UQCRC2: variants seen among roughly 807,000 people sequenced by gnomAD.
UQCRC2 encodes ubiquinol-cytochrome c reductase core protein 2.
In UQCRC2, 49 loss-of-function variants were observed where a neutral mutation model predicts 55.6. The ratio of observed to expected loss-of-function variants is 0.88; its 90% CI spans 0.70 to 1.12. The LOEUF (loss-of-function observed/expected upper bound fraction) is 1.12. UQCRC2 is among the 50% of genes most tolerant of loss of function. UQCRC2 has a pLI of 0.00. For missense variants in UQCRC2, 506 were observed against 547.8 expected, an observed-to-expected ratio of 0.92 and a Z score of 0.76; for synonymous variants, 193 against 192.0, an observed-to-expected ratio of 1.01 and a Z score of -0.04.
chr16:21,957,236 G>A lies in UQCRC2; in HGVS notation c.35G>A (p.Arg12Lys). The A allele has an allele frequency of 1.2e-6, 2 of 1,613,476 alleles. No individual in the cohort carries two copies. The highest frequency in any genetic ancestry group is 8.5e-7 in the Non-Finnish European group (1 of 1,179,752). The stretch of plus-strand genomic sequence containing the variant: ...GTAACCTGTGTTTTTTATGTTTAGA[G>A]ATTTTATTCCCTCAAAGTTGCCCCC... ...KLLTRAGSFSRFYSLKVAPKV... is the reference protein window; with the variant it reads ...KLLTRAGSFSKFYSLKVAPKV... The change falls in exon 2 of 14, where the codon AGA becomes AAA. Residue 12 changes from arginine to lysine, a missense_variant and splice_region_variant. Physicochemically the swap from Arg to Lys is conservative, Grantham distance 26. Coordinates refer to ENST00000268379, the MANE Select transcript of UQCRC2 (RefSeq NM_003366.4).
Position 21,983,093 on chromosome 16 carries a change from A to C in UQCRC2, c.1284A>C (p.Ala428=), listed in dbSNP as rs776514170. Residue 428 remains alanine, a synonymous_variant, in exon 14 of 14, where the codon GCA becomes GCC. Transcript: ENST00000268379. ...TTTTGTTTGTTTCTTTAAAGGCGGC[A>C]AAGAAGTTTGTTTCTGGCCAGAAGT... is the stretch of plus-strand genomic sequence containing the variant. ...SVANADIINA[A]KKFVSGQKSM... 2.5e-6 allele frequency: 4 copies of C among 1,613,338 alleles called. No homozygotes were observed. Among genetic ancestry groups the C allele is most frequent in the African/African-American group, 2.7e-5 (2 of 74,860 alleles).
intron 1 of UQCRC2, among the ~76,000 whole-genome samples, chr16:21,957,034 A>G (rs1333931223): frequency 6.6e-6 from 1 of 150,846 alleles, no homozygotes; most frequent in Non-Finnish European, 1.5e-5. Context: ...GCGCCACTGC[A>G]CTCCAGCCTG....
At chr16:21,961,646 ATATATAT>A (rs2141930866) in intron 4 of UQCRC2, among the ~76,000 whole-genome samples, 1 of 98,772 alleles carries the variant, frequency 1.0e-5, no homozygotes, top group East Asian at 2.4e-4. Flanking sequence ...ATATATATAT[ATATATAT>A]ATATATATAT....
chr16:21,954,620 T>TTA (rs1260605630), intron 1 of UQCRC2, among the ~76,000 whole-genome samples: 1 of 152,190 alleles, frequency 6.6e-6, no homozygotes, highest in Non-Finnish European at 1.5e-5. Context: ...AAGCAATTAT[T>TTA]TATGTGTCTA....
At chr16:21,975,500 C>T (rs999616144) in intron 11 of UQCRC2, among the ~76,000 whole-genome samples, 7 of 152,238 alleles carry the variant, frequency 4.6e-5, no homozygotes, top group Admixed American at 2.0e-4. Context: ...GTAGCAGACC[C>T]AGCCAGCACT....
At chr16:21,978,364 G>A (rs1898634419) in intron 12 of UQCRC2, among the ~76,000 whole-genome samples, 2 of 152,160 alleles carry the variant, frequency 1.3e-5, no homozygotes, top group African/African-American at 4.8e-5. Context: ...AAACGTTTGA[G>A]GTTCAAATAA....
chr16:21,973,080 A>G (rs1363184917), intron 10 of UQCRC2, among the ~76,000 whole-genome samples: 1 of 152,234 alleles, frequency 6.6e-6, no homozygotes, highest in Non-Finnish European at 1.5e-5. Context: ...AGCCTGGGTG[A>G]CAGAGCAAGA....
In UQCRC2 at chr16:21,965,519, A is replaced by G. The variant is rs1898305569; in HGVS notation, c.612+14A>G. The stretch of plus-strand genomic sequence containing the variant: ...ACATCAGAGGAGGTACCAATAAAAC[A>G]TATTTTGAAATGTGCTTGTTTTTCA... On this transcript the variant is annotated intron_variant, in intron 7 of 13. Coordinates refer to ENST00000268379, the MANE Select transcript of UQCRC2 (RefSeq NM_003366.4). 1 of 1,533,998 alleles carries G rather than the reference A, an allele frequency of 6.5e-7. No individual in the cohort carries two copies. Among genetic ancestry groups the G allele is most frequent in the Non-Finnish European group, 8.8e-7 (1 of 1,139,076 alleles).
chr16:21,958,204 T>A (rs1456868681), intron 3 of UQCRC2, among the ~76,000 whole-genome samples: 5 of 152,114 alleles, frequency 3.3e-5, no homozygotes, highest in African/African-American at 1.2e-4. Context: ...TGTTAGAGCA[T>A]AAGAAATCAG....
At chr16:21,956,520 G>A (rs955579827) in intron 1 of UQCRC2, among the ~76,000 whole-genome samples, 3 of 151,940 alleles carry the variant, frequency 2.0e-5, no homozygotes, top group African/African-American at 7.3e-5. Context: ...CTCCAGCGTG[G>A]GACACAGAGC....
chr16:21,971,725 C>T lies in UQCRC2; in HGVS notation c.766+105C>T, dbSNP rs904941094. ...CTGAATATTTACTACTGAACAGTCT[C>T]GGCATAGAATTGGATGGCTTGGGTG... On this transcript the variant is annotated intron_variant, in intron 9 of 13. Transcript: ENST00000268379. 92 of 1,360,486 alleles carry T rather than the reference C, an allele frequency of 6.8e-5. 1 individual carries two copies. The highest frequency in any genetic ancestry group is 8.6e-5 in the Non-Finnish European group (83 of 967,350). The allele number at this position is 1,360,486 out of a possible 1,614,324, so 84.3% of individuals were successfully genotyped here.
rs1053898200 is a variant in UQCRC2 at position 21,958,663 on chromosome 16, T to C, written c.332+64T>C. The C allele has an allele frequency of 4.9e-6, 7 of 1,429,330 alleles. No homozygotes were observed. In the Admixed American group the frequency reaches 5.5e-5, roughly 11 times the overall value. The allele number at this position is 1,429,330 out of a possible 1,614,324, so 88.5% of individuals were successfully genotyped here. A position where few individuals can be genotyped will look rare whatever the true frequency, so the allele number is the denominator to read the frequency against. Reference sequence around the variant, plus strand: ...GAAAATATTCAATTTTAAGGGAACTTTTCTCTGTTATCAAGGAGGTTGAGG... The same window carrying C: ...GAAAATATTCAATTTTAAGGGAACTCTTCTCTGTTATCAAGGAGGTTGAGG... On this transcript the variant is annotated intron_variant, in intron 4 of 13. Transcript: ENST00000268379.
rs757625414 is a variant in UQCRC2, at chr16:21,971,570, A to T, written c.716A>T (p.Asn239Ile). ...VLKQVAEQFL[N>I]MRGGLGLSGA... is the part of the protein sequence containing the mutation. ...AAGCAAGTTGCTGAACAGTTTCTCA[A>T]CATGAGGGGTGGGCTTGGTTTATCT... Residue 239 changes from asparagine to isoleucine, a missense_variant, in exon 9 of 14, where the codon AAC (asparagine) becomes ATC (isoleucine). Physicochemically the swap from Asn to Ile is moderately radical, Grantham distance 149 (BLOSUM62 -3). Coordinates refer to ENST00000268379, the MANE Select transcript of UQCRC2 (RefSeq NM_003366.4). 3 of 1,614,072 alleles carry T rather than the reference A, an allele frequency of 1.9e-6. No homozygotes were observed. Among genetic ancestry groups the T allele is most frequent in the African/African-American group, 1.3e-5 (1 of 74,936 alleles).
Position 21,980,792 on chromosome 16 carries a change from T to TATTA in UQCRC2, c.1278+93_1278+96dup, listed in dbSNP as rs775549339. On this transcript the variant is annotated intron_variant, in intron 13 of 13. Transcript: ENST00000268379. ...GATGCATAAGCGTCCTTGGGCAGTG[T>TATTA]ATTATTCTTATGTTTGGTGCTCATC... 17 of 1,461,448 alleles carry TATTA rather than the reference T, an allele frequency of 1.2e-5. No homozygotes were observed. The East Asian group carries it at 1.6e-4, about 14-fold the overall frequency. The allele number at this position is 1,461,448 out of a possible 1,614,324, so 90.5% of individuals were successfully genotyped here.
chr16:21,953,483 A>C, intron 1 of UQCRC2, 27 bp downstream of exon 1: 14 of 1,610,578 alleles, frequency 8.7e-6, no homozygotes, highest in Non-Finnish European at 1.2e-5. Context: ...GGTTTGGGAA[A>C]GGGCTGGGGA....
intron 1 of UQCRC2, 48 bp downstream of exon 1, chr16:21,953,504 G>T: frequency 6.2e-7 from 1 of 1,603,252 alleles, no homozygotes; most frequent in South Asian, 1.1e-5. Context: ...GCAGTGTGTC[G>T]ACAAGGTGAT....
intron 6 of UQCRC2, among the ~76,000 whole-genome samples, chr16:21,963,399 G>A (rs1372323133): frequency 6.6e-6 from 1 of 152,074 alleles, no homozygotes; most frequent in African/African-American, 2.4e-5. Flanking sequence ...TTTCATGTTT[G>A]ATGGTAAGTA....
At chr16:21,955,070 A>AG (rs2141924378) in intron 1 of UQCRC2, among the ~76,000 whole-genome samples, 1 of 151,718 alleles carries the variant, frequency 6.6e-6, no homozygotes, top group East Asian at 1.9e-4. Context: ...AAAAAAAAAA[A>AG]AAAAATTACC....
intron 8 of UQCRC2, among the ~76,000 whole-genome samples, chr16:21,969,874 GTTT>G (rs541463462): frequency 7.0e-6 from 1 of 143,664 alleles, no homozygotes; most frequent in African/African-American, 2.5e-5. Context: ...CTTTGTTTTT[GTTT>G]TTTTTTTTAA....
Sources: gnomAD v4.1 joint callset for allele counts (sites outside exome capture counted in the v4.1 genomes callset) on GRCh38, gnomAD v4.1.1 for gene constraint, MANE v1.5 for transcripts, NCBI Gene and HGNC (gene_info 2026-07-23, HGNC 2026-07-21) for gene names.